CCSER1: variants seen among roughly 807,000 people sequenced by gnomAD.
The protein encoded by CCSER1 is serine-rich coiled-coil domain-containing protein 1.
A neutral mutation model predicts 82.0 loss-of-function variants in CCSER1; 41 were observed. The ratio of observed to expected loss-of-function variants is 0.50; its 90% CI spans 0.39 to 0.65. CCSER1 has a LOEUF of 0.65. Ranked by LOEUF, CCSER1 falls within the 30% of genes least tolerant of loss-of-function variation. CCSER1 has a pLI of 0.00. For missense variants in CCSER1, 1,119 were observed against 1,064.2 expected, an observed-to-expected ratio of 1.05 and a Z score of -0.72; for synonymous variants, 414 against 383.9, an observed-to-expected ratio of 1.08 and a Z score of -0.92.
At chr4:90,997,502 G>C (rs1245400475) in intron 9 of CCSER1, among the ~76,000 whole-genome samples, 4 of 152,112 alleles carry the variant, frequency 2.6e-5, no homozygotes, top group Non-Finnish European at 5.9e-5. Flanking sequence ...CATATTTACA[G>C]CTTCTGGGGA....
At chr4:91,105,885 T>C (rs1465673072) in intron 10 of CCSER1, among the ~76,000 whole-genome samples, 1 of 152,170 alleles carries the variant, frequency 6.6e-6, no homozygotes, top group Non-Finnish European at 1.5e-5. Context: ...GGTTTTTGTT[T>C]TTTTTTCACT....
At chr4:90,628,334 T>G in intron 6 of CCSER1, 102 bp downstream of exon 6, 1 of 842,210 alleles carries the variant, frequency 1.2e-6, no homozygotes, top group East Asian at 2.6e-5. Flanking sequence ...TACATGACAT[T>G]GGGCAGGGGT....
intron 10 of CCSER1, among the ~76,000 whole-genome samples, chr4:91,312,834 G>A (rs1745580319): frequency 6.6e-6 from 1 of 151,844 alleles, no homozygotes; most frequent in African/African-American, 2.4e-5. Context: ...CCCTATAAAT[G>A]TATATACAAT....
chr4:91,042,240 CT>C (rs1186071900), intron 9 of CCSER1, among the ~76,000 whole-genome samples: 7 of 152,146 alleles, frequency 4.6e-5, no homozygotes, highest in African/African-American at 1.7e-4. Flanking sequence ...CTCACGAGGT[CT>C]GTTGGCTTTA....
chr4:91,378,248 C>T lies in CCSER1; in HGVS notation c.2218-220324C>T, dbSNP rs375445921. ...GGCCATGCAGGCTCTTTTGTGGTTC[C>T]ATATGAACTTTAAAGTAGATTTTTC... On this transcript the variant is annotated intron_variant, in intron 10 of 10. Transcript: ENST00000509176. 1.0e-3 allele frequency among the ~76,000 whole-genome samples: 154 copies of T among 152,236 alleles called. 5 individuals are homozygous for T. In the South Asian group the frequency reaches 0.031, roughly 31 times the overall value.
chr4:90,417,373 A>G (rs912255386), intron 4 of CCSER1, among the ~76,000 whole-genome samples: 4 of 152,172 alleles, frequency 2.6e-5, no homozygotes, highest in Non-Finnish European at 5.9e-5. Flanking sequence ...ATTATTAACC[A>G]TTAATATTAA....
chr4:90,970,719 G>A (rs982974415), intron 9 of CCSER1, among the ~76,000 whole-genome samples: 1 of 151,744 alleles, frequency 6.6e-6, no homozygotes, highest in African/African-American at 2.4e-5. Context: ...AATTTAACAA[G>A]GCTGAAATCA....
chr4:90,453,132 A>G (rs1284237320), intron 4 of CCSER1, among the ~76,000 whole-genome samples: 1 of 152,204 alleles, frequency 6.6e-6, no homozygotes, highest in Non-Finnish European at 1.5e-5. Flanking sequence ...CTGAGGTAAC[A>G]CTGTCCAGGT....
intron 7 of CCSER1, among the ~76,000 whole-genome samples, chr4:90,786,827 T>C (rs182449680): frequency 3.9e-5 from 6 of 152,298 alleles, no homozygotes; most frequent in East Asian, 1.9e-4. Flanking sequence ...ATCCAATAGA[T>C]TGGGGGCTCA....
intron 10 of CCSER1, among the ~76,000 whole-genome samples, chr4:91,543,126 C>T (rs1287777812): frequency 6.6e-6 from 1 of 152,096 alleles, no homozygotes; most frequent in Admixed American, 6.6e-5. Flanking sequence ...ATTGCAACCC[C>T]TGCCTTTTTT....
chr4:91,478,355 A>C (rs1757705282), intron 10 of CCSER1, among the ~76,000 whole-genome samples: 1 of 151,940 alleles, frequency 6.6e-6, no homozygotes, highest in Admixed American at 6.6e-5. Flanking sequence ...AATATGAATT[A>C]TTACCCAATT....
intron 9 of CCSER1, among the ~76,000 whole-genome samples, chr4:91,073,958 C>T (rs943439046): frequency 2.6e-5 from 4 of 152,062 alleles, no homozygotes; most frequent in Non-Finnish European, 5.9e-5. Context: ...TAAACAATAT[C>T]CTTATCATCC....
intron 1 of CCSER1, among the ~76,000 whole-genome samples, chr4:90,135,916 A>T (rs1199334872): frequency 6.6e-6 from 1 of 152,204 alleles, no homozygotes; most frequent in Admixed American, 6.5e-5. Context: ...TAAATGAAAT[A>T]CTTGGAATTC....
chr4:90,154,979 C>T (rs2153356170), intron 1 of CCSER1, among the ~76,000 whole-genome samples: 1 of 152,246 alleles, frequency 6.6e-6, no homozygotes, highest in Admixed American at 6.5e-5. Context: ...GGAATGCTTT[C>T]AGTTTTTGCC....
At chr4:90,880,999 G>A (rs1219895669) in intron 8 of CCSER1, among the ~76,000 whole-genome samples, 6 of 150,040 alleles carry the variant, frequency 4.0e-5, no homozygotes, top group East Asian at 2.0e-4. Flanking sequence ...AGAGAGCCAC[G>A]CACACTAGCT....
intron 9 of CCSER1, among the ~76,000 whole-genome samples, chr4:91,008,233 G>T (rs959616210): frequency 6.6e-6 from 1 of 152,050 alleles, no homozygotes; most frequent in South Asian, 2.1e-4. Flanking sequence ...ATTCTATTAG[G>T]TTCATTTTCT....
chr4:91,218,231 C>A (rs889573523), intron 10 of CCSER1, among the ~76,000 whole-genome samples: 2 of 152,228 alleles, frequency 1.3e-5, no homozygotes, highest in African/African-American at 4.8e-5. Flanking sequence ...CCCCCATTGC[C>A]CGGGGCCAGA....
At chr4:90,919,824 G>A (rs966095540) in intron 8 of CCSER1, among the ~76,000 whole-genome samples, 4 of 151,784 alleles carry the variant, frequency 2.6e-5, no homozygotes, top group Non-Finnish European at 5.9e-5. Context: ...CACAAAATCT[G>A]TCACTTTCAT....
At chr4:90,973,628 T>G (rs1215412729) in intron 9 of CCSER1, among the ~76,000 whole-genome samples, 3 of 151,676 alleles carry the variant, frequency 2.0e-5, no homozygotes, top group Non-Finnish European at 4.4e-5. Flanking sequence ...AGACTAGAAC[T>G]ATCAAATAAA....
Sources: gnomAD v4.1 joint callset for allele counts (sites outside exome capture counted in the v4.1 genomes callset) on GRCh38, gnomAD v4.1.1 for gene constraint, MANE v1.5 for transcripts, NCBI Gene and HGNC (gene_info 2026-07-23, HGNC 2026-07-21) for gene names.